The following TLE2 variants were observed in gnomAD, a reference collection of about 807,000 sequenced individuals.
TLE2 encodes transducin-like enhancer protein 2.
TLE2 carries 74 observed loss-of-function variants against 97.2 expected under a neutral mutation model. The ratio of observed to expected loss-of-function variants is 0.76; its 90% CI spans 0.63 to 0.92. The LOEUF (loss-of-function observed/expected upper bound fraction) is 0.92, where lower values mean the gene tolerates loss of function less well. Ranked by LOEUF, TLE2 falls within the 40% of genes least tolerant of loss-of-function variation. The pLI is 0.00. For synonymous variants in TLE2, 499 were observed against 432.1 expected (o/e 1.15, Z -1.92); for missense variants, 1,038 against 1,008.7 (o/e 1.03, Z -0.39).
chr19:3,022,964 G>A lies in TLE2; in HGVS notation c.294+2056C>T, dbSNP rs377706820. Among the ~76,000 whole-genome samples, 6 of 152,250 alleles carry A rather than the reference G, an allele frequency of 3.9e-5. 1 individual carries two copies. Among genetic ancestry groups the A allele is most frequent in the African/African-American group, 1.4e-4 (6 of 41,560 alleles). On this transcript the variant is annotated intron_variant, in intron 5 of 19. Transcript: ENST00000262953. ...AATAAAACTTTATTTGCAAAAACAA[G>A]TGGAGGGGTGGAGCTGGCCCTCGAG...
chr19:3,023,122 T>C (rs1288030985), intron 5 of TLE2, among the ~76,000 whole-genome samples: 2 of 151,236 alleles, frequency 1.3e-5, no homozygotes, highest in Non-Finnish European at 2.9e-5. Flanking sequence ...TGGTGCGAAC[T>C]CGGCTCACTG....
At chr19:3,027,734 G>C in intron 4 of TLE2, 95 bp downstream of exon 4, 2 of 1,261,954 alleles carry the variant, frequency 1.6e-6, no homozygotes, top group Non-Finnish European at 2.3e-6. Flanking sequence ...TGTTCCCTAG[G>C]TCTGCTCTGG....
intron 1 of TLE2, among the ~76,000 whole-genome samples, chr19:3,044,872 A>C (rs1210542004): frequency 1.3e-5 from 2 of 152,242 alleles, no homozygotes; most frequent in African/African-American, 4.8e-5. Flanking sequence ...AGTGGACAAG[A>C]GAATATTTGT....
intron 11 of TLE2, among the ~76,000 whole-genome samples, chr19:3,012,928 C>A (rs1263580596): frequency 6.6e-6 from 1 of 152,114 alleles, no homozygotes; most frequent in Non-Finnish European, 1.5e-5. Context: ...GAGGGCTTCT[C>A]CAATACAACG....
chr19:3,034,124 C>A (rs980555743), upstream of TLE2, among the ~76,000 whole-genome samples: 2 of 151,948 alleles, frequency 1.3e-5, no homozygotes, highest in African/African-American at 4.8e-5. Context: ...TATCAGGGTT[C>A]CCACACACAT....
At chr19:3,007,069 G>A (rs2089495221) in intron 14 of TLE2, among the ~76,000 whole-genome samples, 1 of 151,754 alleles carries the variant, frequency 6.6e-6, no homozygotes, top group Non-Finnish European at 1.5e-5. Context: ...ACAGGCGTGA[G>A]CCACCATGCC....
Position 3,019,723 on chromosome 19 carries a change from C to G in TLE2, c.345G>C (p.Val115=). Reference sequence around the variant, plus strand: ...CCCCGATGAGGCTGTTCAGCTCCCCCACGGTGACCTGCTTGGCGCGTTCTA... The same window carrying G: ...CCCCGATGAGGCTGTTCAGCTCCCCGACGGTGACCTGCTTGGCGCGTTCTA... The part of the protein sequence containing the change: ...QAVERAKQVT[V]GELNSLIGQQ... The change falls in exon 6 of 20, where the codon GTG becomes GTC. Residue 115 remains valine (V), a synonymous_variant. Transcript: ENST00000262953. The surrounding 1 kb of genome is among the most constrained non-coding windows in gnomAD (Gnocchi z 5.1). 3 of 1,612,596 alleles carry G rather than the reference C, an allele frequency of 1.9e-6. No homozygotes were observed. Among genetic ancestry groups the G allele is most frequent in the Non-Finnish European group, 2.5e-6 (3 of 1,179,452 alleles).
intron 1 of TLE2, among the ~76,000 whole-genome samples, chr19:3,041,014 T>TATATATATATATATATGTATATA (rs55998855): frequency 5.0e-5 from 1 of 20,168 alleles, no homozygotes; most frequent in Non-Finnish European, 8.4e-5. Flanking sequence ...TATATATATA[T>TATATATATATATATATGTATATA]TTTTTTTTTT....
At chr19:3,021,771 C>A (rs112798879) in intron 5 of TLE2, among the ~76,000 whole-genome samples, 4 of 151,862 alleles carry the variant, frequency 2.6e-5, no homozygotes, top group African/African-American at 9.7e-5. Flanking sequence ...TTAGTAGAGA[C>A]GGGGTTTCAC....
In TLE2 at chr19:3,005,539, G is replaced by A. The variant is rs375627175; in HGVS notation, c.1794C>T (p.Ser598=). Residue 598 remains serine (S), a synonymous_variant, in exon 17 of 20, where the codon TCC becomes TCT. Coordinates refer to ENST00000262953, the MANE Select transcript of TLE2 (RefSeq NM_003260.5). ...HTDGASCIDI[S]DYGTRLWTGG... is the part of the protein sequence containing the mutation. Reference sequence around the variant, plus strand: ...CTGTCCAGAGCCGAGTGCCGTAATCGGAAATATCAATGCAGCTGGCGCCGT... The same window carrying A: ...CTGTCCAGAGCCGAGTGCCGTAATCAGAAATATCAATGCAGCTGGCGCCGT... 1.9e-5 allele frequency: 31 copies of A among 1,613,492 alleles called. No homozygotes were observed. The highest frequency in any genetic ancestry group is 2.7e-5 in the African/African-American group (2 of 74,928).
upstream of TLE2, among the ~76,000 whole-genome samples, chr19:3,034,191 C>G (rs1325225223): frequency 6.6e-6 from 1 of 152,008 alleles, no homozygotes; most frequent in Admixed American, 6.6e-5. Context: ...AACACCTGGC[C>G]TGCAACCCTC....
chr19:2,998,693 G>A (rs748071642), intron 19 of TLE2, among the ~76,000 whole-genome samples: 13 of 152,134 alleles, frequency 8.5e-5, no homozygotes, highest in African/African-American at 2.7e-4. Flanking sequence ...GATTACAAGC[G>A]TGAGCCACCG....
intron 19 of TLE2, among the ~76,000 whole-genome samples, chr19:2,999,441 A>T (rs549644973): frequency 2.0e-5 from 3 of 152,146 alleles, no homozygotes; most frequent in African/African-American, 7.2e-5. Flanking sequence ...AAAATTTGAA[A>T]AACAGGCTGG....
At position 3,006,629 on chromosome 19, in the gene TLE2, G is replaced by A; in HGVS notation, c.1291C>T (p.Pro431Ser). The change falls in exon 15 of 20, where the codon CCG becomes TCG. Residue 431 changes from proline (P) to serine (S), a missense_variant. Coordinates refer to ENST00000262953, the MANE Select transcript of TLE2 (RefSeq NM_003260.5). ...AGTGCATCCGAGGGGAAGGGAACCG[G>A]CTGCATCTGCCCGTCCGCAGACACG... ...FHVSADGQMQ[P>S]VPFPSDALVG... 6.2e-7 allele frequency: 1 copy of A among 1,610,272 alleles called. No homozygotes were observed.
rs1447283737 is a variant in TLE2 at position 3,015,730 on chromosome 19, C to T, written c.601G>A (p.Val201Met). ...SASPSPPESL[V>M]EEERPSGPGG... ...GGGCCACTCGGTCGCTCCTCCTCCA[C>T]GAGACTCTCAGGGGGCGAGGGAGAT... The change falls in exon 9 of 20, where the codon GTG (valine) becomes ATG (methionine). Residue 201 changes from valine to methionine, a missense_variant. Physicochemically the swap from Val to Met is conservative, Grantham distance 21 (BLOSUM62 1). Coordinates refer to ENST00000262953, the MANE Select transcript of TLE2 (RefSeq NM_003260.5). The T allele has an allele frequency of 6.2e-6, 10 of 1,610,922 alleles. No individual in the cohort carries two copies. The highest frequency in any genetic ancestry group is 4.0e-5 in the African/African-American group (3 of 74,842).
At chr19:3,028,501 C>T in intron 2 of TLE2, 119 bp from the exon 3 acceptor site, 1 of 1,117,452 alleles carries the variant, frequency 8.9e-7, no homozygotes. Context: ...CCTCCTGTCC[C>T]AGTCCCTCCC....
At chr19:3,003,758 G>A (rs567214642) in intron 17 of TLE2, among the ~76,000 whole-genome samples, 10 of 152,108 alleles carry the variant, frequency 6.6e-5, no homozygotes, top group African/African-American at 2.4e-4. Flanking sequence ...AGGCTGGAGT[G>A]CAGTGGTGCA....
At chr19:3,035,261 T>C (rs950219118) in intron 1 of TLE2, among the ~76,000 whole-genome samples, 1 of 142,136 alleles carries the variant, frequency 7.0e-6, no homozygotes, top group African/African-American at 3.1e-5. Flanking sequence ...TGTGACTCCA[T>C]AACTCCCCAA....
rs540668669 is a variant in TLE2, at chr19:3,012,796, G to T, written c.873+873C>A. Among the ~76,000 whole-genome samples, 6 of 152,214 alleles carry T rather than the reference G, an allele frequency of 3.9e-5. 1 individual carries two copies. The South Asian group carries it at 1.2e-3, about 32-fold the overall frequency. ...CCTCCCCTGCCTCCCAAGAAACTTC[G>T]CATCCTTGTCTTGCGTCTGTCTCGG... On this transcript the variant is annotated intron_variant, in intron 11 of 19. Transcript: ENST00000262953.
Sources: allele counts gnomAD v4.1 joint callset (sites outside exome capture counted in the v4.1 genomes callset), GRCh38; gene constraint gnomAD v4.1.1; non-coding constraint Gnocchi (gnomAD v3.1); transcripts MANE v1.5; gene names NCBI Gene and HGNC (gene_info 2026-07-23, HGNC 2026-07-21).